Variants in HS6ST3 observed in about 807,000 individuals in gnomAD.
HS6ST3 encodes heparan-sulfate 6-O-sulfotransferase 3.
HS6ST3 carries 12 observed loss-of-function variants against 36.7 expected under a neutral mutation model. The ratio of observed to expected loss-of-function variants is 0.33; its 90% confidence interval spans 0.21 to 0.53. The LOEUF (loss-of-function observed/expected upper bound fraction) is 0.53, where lower values mean the gene tolerates loss of function less well. Ranked by LOEUF, HS6ST3 falls within the 20% of genes least tolerant of loss-of-function variation. The pLI, the probability that HS6ST3 is intolerant of heterozygous loss-of-function variation, is 0.95. For missense variants in HS6ST3, 584 were observed against 640.9 expected, an observed-to-expected ratio of 0.91 and a Z score of 0.96; for synonymous variants, 240 against 257.5, an observed-to-expected ratio of 0.93 and a Z score of 0.65.
intron 1 of HS6ST3, among the ~76,000 whole-genome samples, chr13:96,454,584 C>T (rs765190364): frequency 3.3e-5 from 5 of 151,950 alleles, no homozygotes; most frequent in Non-Finnish European, 7.4e-5. Context: ...ATGCTGTCTT[C>T]ACTTGGAAGG....
chr13:96,674,259 C>T (rs1053834754), intron 1 of HS6ST3, among the ~76,000 whole-genome samples: 8 of 152,044 alleles, frequency 5.3e-5, no homozygotes, highest in East Asian at 1.9e-4. Flanking sequence ...CTTCACCTTC[C>T]GCCATGATTG....
intron 1 of HS6ST3, among the ~76,000 whole-genome samples, chr13:96,310,935 G>T (rs561205994): frequency 6.6e-6 from 1 of 152,162 alleles, no homozygotes; most frequent in East Asian, 1.9e-4. Context: ...TGTATGTGTT[G>T]CATGTATACC....
At chr13:96,523,202 T>A (rs1013341048) in intron 1 of HS6ST3, among the ~76,000 whole-genome samples, 1 of 152,240 alleles carries the variant, frequency 6.6e-6, no homozygotes, top group Non-Finnish European at 1.5e-5. Context: ...CACTCTCTTC[T>A]GGCTTGTAGG....
chr13:96,746,222 A>G (rs1033451964), intron 1 of HS6ST3, among the ~76,000 whole-genome samples: 7 of 152,082 alleles, frequency 4.6e-5, no homozygotes, highest in East Asian at 1.9e-4. Flanking sequence ...AACATTTTTA[A>G]TATAATTCCA....
intron 1 of HS6ST3, among the ~76,000 whole-genome samples, chr13:96,223,018 G>A (rs930817821): frequency 6.6e-6 from 1 of 152,168 alleles, no homozygotes; most frequent in East Asian, 1.9e-4. Context: ...ATTTTGATTT[G>A]GAAATGGAAT....
chr13:96,698,684 A>G (rs991320697), intron 1 of HS6ST3, among the ~76,000 whole-genome samples: 7 of 152,190 alleles, frequency 4.6e-5, no homozygotes, highest in Non-Finnish European at 8.8e-5. Context: ...ATACTGCCCA[A>G]GGTAATTTAT....
chr13:96,266,050 T>A (rs2054690735), intron 1 of HS6ST3, among the ~76,000 whole-genome samples: 1 of 151,824 alleles, frequency 6.6e-6, no homozygotes, highest in Non-Finnish European at 1.5e-5. Flanking sequence ...GGGTTATTTT[T>A]TTTTAAATAC....
chr13:96,575,511 A>G (rs778534719), intron 1 of HS6ST3, among the ~76,000 whole-genome samples: 2 of 152,222 alleles, frequency 1.3e-5, no homozygotes, highest in South Asian at 2.1e-4. Context: ...ACCAGTAAGC[A>G]GGGGAGTCCT....
chr13:96,412,121 C>T (rs1331695319), intron 1 of HS6ST3, among the ~76,000 whole-genome samples: 1 of 152,130 alleles, frequency 6.6e-6, no homozygotes, highest in Non-Finnish European at 1.5e-5. Flanking sequence ...TCTCCTGCCT[C>T]AGCCTCTCAA....
rs891040364 is a variant in HS6ST3, at chr13:96,326,179, A to G, written c.707+234610A>G. Among the ~76,000 whole-genome samples, 8 of 103,242 alleles carry G rather than the reference A, an allele frequency of 7.7e-5. No homozygotes were observed. In the East Asian group the frequency reaches 1.9e-3, roughly 24 times the overall value. 67.7% of individuals were successfully genotyped at this position (103,242 alleles called of 152,430 possible). ...ATATTCATTTTTTCTTTTTTTTTTTAATTTTTTTTTATTATACTTTAAGTT... is the reference window on the plus strand; with the variant it reads ...ATATTCATTTTTTCTTTTTTTTTTTGATTTTTTTTTATTATACTTTAAGTT... On this transcript the variant is annotated intron_variant, in intron 1 of 1. Coordinates refer to ENST00000376705, the MANE Select transcript of HS6ST3 (RefSeq NM_153456.4).
At chr13:96,161,892 G>T (rs1356145239) in intron 1 of HS6ST3, among the ~76,000 whole-genome samples, 2 of 152,076 alleles carry the variant, frequency 1.3e-5, no homozygotes, top group Non-Finnish European at 2.9e-5. Flanking sequence ...ACAAGGATTT[G>T]CTCCCAAGGA....
intron 1 of HS6ST3, among the ~76,000 whole-genome samples, chr13:96,211,591 CT>C (rs1175405277): frequency 6.6e-6 from 1 of 152,104 alleles, no homozygotes; most frequent in Non-Finnish European, 1.5e-5. Flanking sequence ...TATCCAAAGC[CT>C]TTAAATATAT....
intron 1 of HS6ST3, among the ~76,000 whole-genome samples, chr13:96,379,999 A>G (rs1012358692): frequency 6.6e-6 from 1 of 152,340 alleles, no homozygotes; most frequent in Admixed American, 6.5e-5. Context: ...GTGAAATCAC[A>G]TAGTTTTATA....
intron 1 of HS6ST3, among the ~76,000 whole-genome samples, chr13:96,589,121 T>C (rs187732149): frequency 2.0e-4 from 31 of 152,194 alleles, no homozygotes; most frequent in Non-Finnish European, 2.4e-4. Flanking sequence ...AAGAATTGTT[T>C]TTAGTTCTTC....
chr13:96,455,483 C>A (rs1206049589), intron 1 of HS6ST3, among the ~76,000 whole-genome samples: 1 of 152,088 alleles, frequency 6.6e-6, no homozygotes, highest in Non-Finnish European at 1.5e-5. Flanking sequence ...CTGCCTTAGC[C>A]TCCCAAAGTG....
chr13:96,437,143 T>C (rs2139478061), intron 1 of HS6ST3, among the ~76,000 whole-genome samples: 1 of 152,306 alleles, frequency 6.6e-6, no homozygotes, highest in East Asian at 1.9e-4. Context: ...GCTAAACTCC[T>C]CTAAGTTTTG....
chr13:96,418,046 A>G (rs1022144153), intron 1 of HS6ST3, among the ~76,000 whole-genome samples: 30 of 152,254 alleles, frequency 2.0e-4, no homozygotes, highest in Admixed American at 1.2e-3. Flanking sequence ...CATCTGACAC[A>G]TGTATTTTCT....
At chr13:96,608,886 T>C (rs574283677) in intron 1 of HS6ST3, among the ~76,000 whole-genome samples, 169 of 152,290 alleles carry the variant, frequency 1.1e-3, no homozygotes, top group African/African-American at 3.8e-3. Context: ...GTATCACTGG[T>C]AATAATTCAT....
At chr13:96,619,911 C>G (rs1002089873) in intron 1 of HS6ST3, among the ~76,000 whole-genome samples, 1 of 152,136 alleles carries the variant, frequency 6.6e-6, no homozygotes, top group Non-Finnish European at 1.5e-5. Context: ...AACAATGAAA[C>G]TTTGGGGCTT....
Sources: gnomAD v4.1 joint callset for allele counts (sites outside exome capture counted in the v4.1 genomes callset) on GRCh38, gnomAD v4.1.1 for gene constraint, MANE v1.5 for transcripts, NCBI Gene and HGNC (gene_info 2026-07-23, HGNC 2026-07-21) for gene names.